The following SND1 variants were observed in gnomAD, a reference collection of about 807,000 sequenced individuals.
The protein encoded by SND1 is staphylococcal nuclease and tudor domain containing 1.
In SND1, 38 loss-of-function variants were observed where a neutral mutation model predicts 121.7. That is an observed-to-expected ratio of 0.31 (90% CI 0.24 to 0.41). The LOEUF is 0.41. SND1 is among the 10% of genes least tolerant of loss of function. The pLI, the probability that SND1 is intolerant of heterozygous loss-of-function variation, is 1.00. For synonymous variants in SND1, 401 were observed against 447.4 expected (o/e 0.90, Z 1.31); for missense variants, 868 against 1,184.6 (o/e 0.73, Z 3.92).
At chr7:127,931,917 A>C (rs1205009651) in intron 15 of SND1, among the ~76,000 whole-genome samples, 1 of 152,174 alleles carries the variant, frequency 6.6e-6, no homozygotes, top group East Asian at 1.9e-4. Flanking sequence ...TTTTTTTGCA[A>C]AATATTACTG....
chr7:127,877,098 T>C (rs150071210), intron 12 of SND1, among the ~76,000 whole-genome samples: 288 of 152,256 alleles, frequency 1.9e-3, no homozygotes, highest in Non-Finnish European at 3.1e-3. Context: ...GGAGCTGGCA[T>C]AGTGGAGTCT....
intron 11 of SND1, among the ~76,000 whole-genome samples, chr7:127,818,541 C>T (rs948551961): frequency 1.3e-5 from 2 of 152,178 alleles, no homozygotes; most frequent in Non-Finnish European, 2.9e-5. Flanking sequence ...CAGCCCCTGG[C>T]TTGGGATTCT....
chr7:127,846,157 A>G (rs558678672), intron 12 of SND1, among the ~76,000 whole-genome samples: 94 of 152,296 alleles, frequency 6.2e-4, no homozygotes, highest in African/African-American at 1.8e-3. Context: ...TTAATTGACA[A>G]CCTACAATAT....
chr7:127,770,474 ACTAT>A (rs1797494692), intron 10 of SND1, among the ~76,000 whole-genome samples: 1 of 152,214 alleles, frequency 6.6e-6, no homozygotes, highest in Non-Finnish European at 1.5e-5. Context: ...CTTTACCTGC[ACTAT>A]CTAATTGGTT....
At chr7:127,982,876 C>A (rs1802298100) in intron 15 of SND1, among the ~76,000 whole-genome samples, 1 of 152,194 alleles carries the variant, frequency 6.6e-6, no homozygotes, top group Non-Finnish European at 1.5e-5. Context: ...GTCTGAGAAG[C>A]AATGGCATGA....
intron 10 of SND1, among the ~76,000 whole-genome samples, chr7:127,758,983 G>A (rs973782128): frequency 3.3e-5 from 5 of 152,170 alleles, no homozygotes; most frequent in Non-Finnish European, 5.9e-5. Context: ...GAGCCCAGAA[G>A]GTTGAGGCTA....
intron 14 of SND1, among the ~76,000 whole-genome samples, chr7:127,928,983 A>G (rs768256225): frequency 2.6e-5 from 4 of 152,228 alleles, no homozygotes; most frequent in Non-Finnish European, 4.4e-5. Context: ...TTAACTGAGT[A>G]TTTAAGTTAA....
intron 15 of SND1, among the ~76,000 whole-genome samples, chr7:127,969,743 CA>C (rs1260762847): frequency 6.6e-6 from 1 of 151,544 alleles, no homozygotes; most frequent in African/African-American, 2.4e-5. Context: ...CAAAACAAAA[CA>C]AAAAAAACTC....
At chr7:128,008,862 T>A (rs1397148111) in intron 16 of SND1, among the ~76,000 whole-genome samples, 1 of 152,208 alleles carries the variant, frequency 6.6e-6, no homozygotes, top group Admixed American at 6.5e-5. Flanking sequence ...TTTTATTAAC[T>A]CTGATTTTTT....
chr7:127,744,417 G>A (rs1796941407), intron 10 of SND1, among the ~76,000 whole-genome samples: 3 of 152,076 alleles, frequency 2.0e-5, no homozygotes, highest in African/African-American at 4.8e-5. Context: ...CGCTAGGTAC[G>A]TCACAGTTTT....
chr7:127,962,677 T>A (rs1455005978), intron 15 of SND1, among the ~76,000 whole-genome samples: 1 of 152,220 alleles, frequency 6.6e-6, no homozygotes, highest in South Asian at 2.1e-4. Flanking sequence ...ATCCCCACTC[T>A]GCAGGCAGCT....
intron 15 of SND1, among the ~76,000 whole-genome samples, chr7:127,953,466 C>T (rs534640554): frequency 4.6e-5 from 7 of 152,202 alleles, no homozygotes; most frequent in Admixed American, 4.6e-4. Context: ...TTCTCCCCCA[C>T]TCCTTCCCTC....
chr7:127,748,955 T>G (rs923372844), intron 10 of SND1, among the ~76,000 whole-genome samples: 14 of 152,018 alleles, frequency 9.2e-5, no homozygotes, highest in Admixed American at 7.2e-4. Context: ...CAAAACAGAT[T>G]CCTGCTGTGC....
intron 13 of SND1, among the ~76,000 whole-genome samples, chr7:127,892,616 A>C (rs1267296192): frequency 6.6e-6 from 1 of 152,040 alleles, no homozygotes; most frequent in Non-Finnish European, 1.5e-5. Context: ...CTTCCTTTCC[A>C]GCTCTGTTGT....
chr7:127,998,174 A>G, intron 16 of SND1: 1 of 339,210 alleles, frequency 2.9e-6, no homozygotes, highest in Non-Finnish European at 5.9e-6. Context: ...AAGGCCTGTT[A>G]TTTTGTTGTC....
intron 17 of SND1, among the ~76,000 whole-genome samples, chr7:128,076,416 G>A (rs1265292952): frequency 5.3e-5 from 8 of 152,210 alleles, no homozygotes; most frequent in Admixed American, 4.6e-4. Flanking sequence ...GCTAGGGCCT[G>A]CCGCCTCCTG....
chr7:127,866,832 T>G (rs1032212556), intron 12 of SND1, among the ~76,000 whole-genome samples: 1 of 152,210 alleles, frequency 6.6e-6, no homozygotes, highest in African/African-American at 2.4e-5. Context: ...GGAAGATGCC[T>G]TTAACTTCTT....
In SND1 at chr7:127,887,990, G is replaced by C. The variant is rs1182223852; in HGVS notation, c.1432G>C (p.Glu478Gln). 6.2e-7 allele frequency: 1 copy of C among 1,611,910 alleles called. No homozygotes were observed. ...DDDQRSSHYDELLAAEARAIK... is the reference protein window; with the variant it reads ...DDDQRSSHYDQLLAAEARAIK... The stretch of plus-strand genomic sequence containing the variant: ...TGACCAGAGATCATCACACTACGAT[G>C]AACTGCTTGCTGCAGAGGCCAGGTA... The change falls in exon 13 of 24, where the codon GAA (glutamate) becomes CAA (glutamine). Residue 478 changes from glutamate (E) to glutamine (Q), a missense_variant. This residue lies in a region of SND1 where 743 missense variants were observed against 1,071.3 expected (regional missense o/e 0.69). Coordinates refer to ENST00000354725, the MANE Select transcript of SND1 (RefSeq NM_014390.4).
intron 1 of SND1, among the ~76,000 whole-genome samples, chr7:127,656,709 G>C (rs985152390): frequency 6.6e-6 from 1 of 152,132 alleles, no homozygotes; most frequent in Non-Finnish European, 1.5e-5. Flanking sequence ...GGAATGTTGC[G>C]GGAAGTCAGG....
Sources: allele counts gnomAD v4.1 joint callset (sites outside exome capture counted in the v4.1 genomes callset), GRCh38; gene constraint gnomAD v4.1.1; regional missense constraint gnomAD v4.1.1; transcripts MANE v1.5; gene names NCBI Gene and HGNC (gene_info 2026-07-23, HGNC 2026-07-21).